The following CNTNAP5 variants were observed in gnomAD, a reference collection of about 807,000 sequenced individuals.
CNTNAP5 encodes contactin-associated protein-like 5.
In CNTNAP5, 72 loss-of-function variants were observed where a neutral mutation model predicts 150.2. The ratio of observed to expected loss-of-function variants is 0.48; its 90% CI spans 0.40 to 0.58. CNTNAP5 has a LOEUF of 0.58. CNTNAP5 is among the 20% of genes least tolerant of loss of function. The pLI is 0.00. For synonymous variants in CNTNAP5, 672 were observed against 619.8 expected (o/e 1.08, Z -1.25); for missense variants, 1,636 against 1,626.2 (o/e 1.01, Z -0.10).
At chr2:124,659,172 C>G (rs895985194) in intron 13 of CNTNAP5, among the ~76,000 whole-genome samples, 6 of 152,168 alleles carry the variant, frequency 3.9e-5, no homozygotes, top group African/African-American at 1.4e-4. Context: ...CTCTTCATAA[C>G]TTTTTAGTTT....
intron 21 of CNTNAP5, among the ~76,000 whole-genome samples, chr2:124,892,695 C>A (rs974422624): frequency 6.6e-6 from 1 of 152,050 alleles, no homozygotes; most frequent in Non-Finnish European, 1.5e-5. Flanking sequence ...AGCAGGCAAC[C>A]TTTATGCAGA....
In CNTNAP5 at chr2:124,747,218, T is replaced by C. The variant is rs1422150557; in HGVS notation, c.2078-11T>C. 1.2e-6 allele frequency: 2 copies of C among 1,610,254 alleles called. No individual in the cohort carries two copies. Among genetic ancestry groups the C allele is most frequent in the East Asian group, 4.5e-5 (2 of 44,594 alleles). On this transcript the variant is annotated splice_polypyrimidine_tract_variant and intron_variant, in intron 13 of 23. Coordinates refer to ENST00000682447, the MANE Select transcript of CNTNAP5 (RefSeq NM_001367498.1). ...GCCCTACCCTGACTGGTGGAATATCTTGTCTTCCAGATGGAACACCATTTA... is the reference window on the plus strand; with the variant it reads ...GCCCTACCCTGACTGGTGGAATATCCTGTCTTCCAGATGGAACACCATTTA...
intron 23 of CNTNAP5, among the ~76,000 whole-genome samples, chr2:124,912,820 TCTG>T (rs993697697): frequency 2.0e-5 from 3 of 152,072 alleles, no homozygotes; most frequent in Non-Finnish European, 4.4e-5. Context: ...AGCTGCTGAC[TCTG>T]ACTATCCCAT....
intron 1 of CNTNAP5, among the ~76,000 whole-genome samples, chr2:124,031,046 G>A (rs1360667942): frequency 2.0e-5 from 3 of 151,632 alleles, no homozygotes; most frequent in African/African-American, 7.3e-5. Context: ...AAGCTATGTT[G>A]TTTCAAATCT....
chr2:124,029,669 C>T (rs191132048), intron 1 of CNTNAP5, among the ~76,000 whole-genome samples: 2 of 151,926 alleles, frequency 1.3e-5, no homozygotes, highest in Non-Finnish European at 2.9e-5. Context: ...TCCTTTGTTC[C>T]TCTGCCCAAT....
chr2:124,092,685 A>G (rs1318319591), intron 1 of CNTNAP5, among the ~76,000 whole-genome samples: 2 of 152,170 alleles, frequency 1.3e-5, no homozygotes, highest in Non-Finnish European at 2.9e-5. Flanking sequence ...TTACCTATTT[A>G]AATTCCAAAA....
chr2:124,622,769 TTCAGGCTTATACAA>T (rs1174410237), intron 12 of CNTNAP5, among the ~76,000 whole-genome samples: 21 of 152,254 alleles, frequency 1.4e-4, no homozygotes, highest in Non-Finnish European at 2.5e-4. Context: ...ATTGCCCTAC[TTCAGGCTTATACAA>T]AAGCAAGCTG....
chr2:124,157,917 C>A (rs77633991), intron 1 of CNTNAP5, among the ~76,000 whole-genome samples: 1,630 of 152,258 alleles, frequency 0.011, 36 homozygotes, highest in African/African-American at 0.037. Context: ...TCTAGCAAAG[C>A]GAAGGATGTT....
Position 124,905,843 on chromosome 2 carries a change from C to T in CNTNAP5, c.3655+2743C>T, listed in dbSNP as rs150607586. On this transcript the variant is annotated intron_variant, in intron 22 of 23. Transcript: ENST00000682447. ...GTTTGAATAATGTGGGCAGGATCTG[C>T]GCTACAGGGGTGGTCTCTAGTTATC... is the stretch of plus-strand genomic sequence containing the variant. 5.5e-3 allele frequency among the ~76,000 whole-genome samples: 832 copies of T among 152,152 alleles called. 5 individuals are homozygous for T. Among genetic ancestry groups the T allele is most frequent in the Middle Eastern group, 0.01 (3 of 294 alleles).
At chr2:124,771,604 A>G (rs926421535) in intron 16 of CNTNAP5, among the ~76,000 whole-genome samples, 4 of 152,244 alleles carry the variant, frequency 2.6e-5, no homozygotes, top group African/African-American at 9.6e-5. Flanking sequence ...GGTGCCTGGC[A>G]TAGAGTTTGT....
chr2:124,519,335 G>A (rs966104381), intron 8 of CNTNAP5, among the ~76,000 whole-genome samples: 9 of 152,106 alleles, frequency 5.9e-5, no homozygotes, highest in African/African-American at 2.2e-4. Flanking sequence ...GACATATATG[G>A]TATGTGAATT....
chr2:124,713,281 CTT>C lies in CNTNAP5; in HGVS notation c.2078-33946_2078-33945del, dbSNP rs1558746739. ...TCTTTCTTTCTTTCTTTCTTTCTTT[CTT>C]TCTTTCTTTCTTTCTTTCTTCTTTC... On this transcript the variant is annotated intron_variant, in intron 13 of 23. Coordinates refer to ENST00000682447, the MANE Select transcript of CNTNAP5 (RefSeq NM_001367498.1). Among the ~76,000 whole-genome samples, 164 of 105,440 alleles carry C rather than the reference CTT, an allele frequency of 1.6e-3. 2 individuals carry two copies. The highest frequency in any genetic ancestry group is 5.2e-3 in the Middle Eastern group (1 of 194). 69.2% of individuals were successfully genotyped at this position (105,440 alleles called of 152,430 possible).
chr2:124,660,757 A>G (rs545366476), intron 13 of CNTNAP5, among the ~76,000 whole-genome samples: 2 of 152,086 alleles, frequency 1.3e-5, no homozygotes, highest in South Asian at 4.2e-4. Context: ...TAAATATGAA[A>G]CAGGAATAGT....
At chr2:124,776,284 AT>A (rs111559399) in intron 17 of CNTNAP5, among the ~76,000 whole-genome samples, 116 of 149,134 alleles carry the variant, frequency 7.8e-4, no homozygotes, top group Non-Finnish European at 1.4e-3. Context: ...CCATGGGCCT[AT>A]TTTTTTTTTC....
In CNTNAP5 at chr2:124,702,346, C is replaced by CTTTTTTTTTT. The variant is rs71412792; in HGVS notation, c.2078-44842_2078-44833dup. Among the ~76,000 whole-genome samples, 27 of 52,244 alleles carry CTTTTTTTTTT rather than the reference C, an allele frequency of 5.2e-4. 5 individuals carry two copies. The highest frequency in any genetic ancestry group is 9.9e-4 in the South Asian group (1 of 1,012). The allele number at this position is 52,244 out of a possible 152,430, so 34.3% of individuals were successfully genotyped here. ...ATGTCCTTCTGTGAAACTATGAACA[C>CTTTTTTTTTT]TTTTTTTTTTTTTTTTTTTTTTTTT... On this transcript the variant is annotated intron_variant, in intron 13 of 23. Coordinates refer to ENST00000682447, the MANE Select transcript of CNTNAP5 (RefSeq NM_001367498.1).
chr2:124,350,448 G>T (rs779999), intron 3 of CNTNAP5, among the ~76,000 whole-genome samples: 110,078 of 150,340 alleles, frequency 0.73, 41,227 homozygotes, highest in African/African-American at 0.88. Context: ...GATGGTTTGT[G>T]GCTTGTTTTT....
chr2:124,316,804 CAAAAAAAAA>C (rs56812690), intron 3 of CNTNAP5, among the ~76,000 whole-genome samples: 4 of 54,770 alleles, frequency 7.3e-5, no homozygotes, highest in East Asian at 7.6e-4. Context: ...GACTCCATCT[CAAAAAAAAA>C]AAAAAAAAAA....
At chr2:124,773,799 A>G (rs1364337320) in intron 17 of CNTNAP5, among the ~76,000 whole-genome samples, 3 of 149,412 alleles carry the variant, frequency 2.0e-5, no homozygotes, top group Non-Finnish European at 4.5e-5. Flanking sequence ...CAGAGAAGAG[A>G]GCATGGGGTT....
Position 124,154,072 on chromosome 2 carries a change from A to G in CNTNAP5, c.83-67633A>G, listed in dbSNP as rs116692397. Reference sequence around the variant, plus strand: ...TTTAGGGGGCACAAACATTCAGTTCATAACAAGTAGATACATCAGTTATTT... The same window carrying G: ...TTTAGGGGGCACAAACATTCAGTTCGTAACAAGTAGATACATCAGTTATTT... On this transcript the variant is annotated intron_variant, in intron 1 of 23. Coordinates refer to ENST00000682447, the MANE Select transcript of CNTNAP5 (RefSeq NM_001367498.1). Among the ~76,000 whole-genome samples, 452 of 152,262 alleles carry G rather than the reference A, an allele frequency of 3.0e-3. 2 individuals carry two copies. The Middle Eastern group carries it at 0.037, about 13-fold the overall frequency.
Sources: allele counts gnomAD v4.1 joint callset (sites outside exome capture counted in the v4.1 genomes callset), GRCh38; gene constraint gnomAD v4.1.1; transcripts MANE v1.5; gene names NCBI Gene and HGNC (gene_info 2026-07-23, HGNC 2026-07-21).